The following PLCB1 variants were observed in gnomAD, a reference collection of about 807,000 sequenced individuals.
PLCB1 encodes the protein phospholipase C beta 1, also known as 1-phosphatidylinositol 4,5-bisphosphate phosphodiesterase beta-1.
In PLCB1, 46 loss-of-function variants were observed where a neutral mutation model predicts 161.8. That is an observed-to-expected ratio of 0.28 (90% CI 0.22 to 0.36). PLCB1 has a LOEUF of 0.36. Among genes scored for constraint, PLCB1 ranks in the 10% least tolerant of loss-of-function variants. PLCB1 has a pLI of 1.00. For synonymous variants in PLCB1, 517 were observed against 503.7 expected (o/e 1.03, Z -0.35); for missense variants, 1,016 against 1,472.5 (o/e 0.69, Z 5.07).
intron 3 of PLCB1, among the ~76,000 whole-genome samples, chr20:8,432,674 T>G (rs1980103290): frequency 6.6e-6 from 1 of 152,220 alleles, no homozygotes; most frequent in Non-Finnish European, 1.5e-5. Flanking sequence ...TTTTTTTCTT[T>G]TCTAAGAAAT....
At chr20:8,415,797 G>A (rs1481039959) in intron 3 of PLCB1, among the ~76,000 whole-genome samples, 1 of 152,092 alleles carries the variant, frequency 6.6e-6, no homozygotes, top group African/African-American at 2.4e-5. Flanking sequence ...CCTTCATGTG[G>A]GGCAGAAAAA....
At chr20:8,563,314 A>C (rs1234939640) in intron 3 of PLCB1, among the ~76,000 whole-genome samples, 2 of 152,016 alleles carry the variant, frequency 1.3e-5, no homozygotes, top group Non-Finnish European at 2.9e-5. Flanking sequence ...AAAAAGTCTC[A>C]GCTGAAAAAA....
At chr20:8,383,523 C>A (rs1388590750) in intron 3 of PLCB1, among the ~76,000 whole-genome samples, 1 of 152,128 alleles carries the variant, frequency 6.6e-6, no homozygotes, top group Non-Finnish European at 1.5e-5. Context: ...TAACATTTAT[C>A]CCATTTATAT....
rs2146220422 is a variant in PLCB1, at chr20:8,788,625, G to A, written c.3189-8G>A. The A allele has an allele frequency of 3.7e-6, 6 of 1,601,980 alleles. No individual in the cohort carries two copies. In the African/African-American group the frequency reaches 4.0e-5, roughly 11 times the overall value. On this transcript the variant is annotated splice_polypyrimidine_tract_variant and splice_region_variant and intron_variant, in intron 28 of 31. Transcript: ENST00000338037. ...CTTTTTTCTCTTTTACTTCCATTGT[G>A]ACTTCAGAGAAAAGAAAGAATTAAA...
chr20:8,446,358 A>G (rs227136), intron 3 of PLCB1, among the ~76,000 whole-genome samples: 99,245 of 151,912 alleles, frequency 0.65, 32,643 homozygotes, highest in East Asian at 0.71. Context: ...CAATTCAACA[A>G]CCCTTTGTTT....
intron 2 of PLCB1, among the ~76,000 whole-genome samples, chr20:8,368,525 T>A: frequency 1.1e-5 from 1 of 89,286 alleles, no homozygotes; most frequent in Admixed American, 1.4e-4. Context: ...AGACTCTGTC[T>A]CTCAAAAAAA....
chr20:8,704,180 C>T (rs1267969778), intron 11 of PLCB1, among the ~76,000 whole-genome samples: 1 of 151,938 alleles, frequency 6.6e-6, no homozygotes, highest in Non-Finnish European at 1.5e-5. Context: ...ATGGCAAAAC[C>T]CCATCTCTAC....
At chr20:8,637,500 A>G (rs557188110) in intron 4 of PLCB1, among the ~76,000 whole-genome samples, 8 of 152,342 alleles carry the variant, frequency 5.3e-5, no homozygotes, top group African/African-American at 1.9e-4. Context: ...AGGAAACTGG[A>G]AGATGACAGA....
intron 2 of PLCB1, among the ~76,000 whole-genome samples, chr20:8,250,031 C>A (rs1017600727): frequency 1.1e-4 from 16 of 151,900 alleles, no homozygotes; most frequent in African/African-American, 3.6e-4. Context: ...ACAGGCAGGC[C>A]AACTCACTTC....
At chr20:8,705,730 A>G (rs879601310) in intron 11 of PLCB1, among the ~76,000 whole-genome samples, 3 of 152,226 alleles carry the variant, frequency 2.0e-5, no homozygotes, top group Non-Finnish European at 2.9e-5. Context: ...TGCTTGATGT[A>G]TTCAAGGAAA....
At chr20:8,710,742 G>A (rs960815230) in intron 12 of PLCB1, among the ~76,000 whole-genome samples, 2 of 151,906 alleles carry the variant, frequency 1.3e-5, no homozygotes, top group Non-Finnish European at 2.9e-5. Flanking sequence ...TCGAACTCCC[G>A]ACCTCAGGTG....
intron 10 of PLCB1, among the ~76,000 whole-genome samples, chr20:8,692,872 C>G (rs1990511170): frequency 6.6e-6 from 1 of 152,122 alleles, no homozygotes; most frequent in East Asian, 1.9e-4. Context: ...GGTAGGCATT[C>G]TTTATGCCAT....
At chr20:8,690,162 T>TA (rs1279731011) in intron 10 of PLCB1, among the ~76,000 whole-genome samples, 1 of 149,618 alleles carries the variant, frequency 6.7e-6, no homozygotes, top group African/African-American at 2.4e-5. Context: ...TTTTTTTTTT[T>TA]ATCTTGCTCC....
rs73591768 is a variant in PLCB1 at position 8,398,041 on chromosome 20, C to T, written c.246+26591C>T. 4.2e-3 allele frequency among the ~76,000 whole-genome samples: 634 copies of T among 152,056 alleles called. 5 individuals are homozygous for T. Among genetic ancestry groups the T allele is most frequent in the African/African-American group, 0.014 (572 of 41,484 alleles). On this transcript the variant is annotated intron_variant, in intron 3 of 31. Transcript: ENST00000338037. ...GTTTAGATTTTACCATTTTCTACCC[C>T]CCTTGCAGTGTATTACAGAATCTTT... is the stretch of plus-strand genomic sequence containing the variant.
chr20:8,826,220 G>C (rs1359658891), intron 31 of PLCB1, among the ~76,000 whole-genome samples: 1 of 152,162 alleles, frequency 6.6e-6, no homozygotes, highest in Non-Finnish European at 1.5e-5. Context: ...GCCTCACCAG[G>C]CGCAGCAGCT....
At chr20:8,868,778 C>T (rs1421737410) in intron 31 of PLCB1, among the ~76,000 whole-genome samples, 1 of 152,110 alleles carries the variant, frequency 6.6e-6, no homozygotes, top group Non-Finnish European at 1.5e-5. Flanking sequence ...GCTACAGGCA[C>T]CAGCCACCAC....
chr20:8,179,569 A>G (rs114118490), intron 2 of PLCB1, among the ~76,000 whole-genome samples: 6,733 of 152,238 alleles, frequency 0.044, 195 homozygotes, highest in Middle Eastern at 0.12. Flanking sequence ...TACTAGGTAT[A>G]AAATCATATC....
At chr20:8,541,104 T>C (rs1394465367) in intron 3 of PLCB1, among the ~76,000 whole-genome samples, 5 of 152,144 alleles carry the variant, frequency 3.3e-5, no homozygotes, top group Admixed American at 6.6e-5. Flanking sequence ...GTGGGGATCT[T>C]ACCTATGTTA....
intron 2 of PLCB1, among the ~76,000 whole-genome samples, chr20:8,162,151 A>G (rs2051631416): frequency 6.6e-6 from 1 of 152,128 alleles, no homozygotes; most frequent in Admixed American, 6.5e-5. Context: ...CATTCCCTGA[A>G]TGTTACAGGT....
Sources: allele counts gnomAD v4.1 joint callset (sites outside exome capture counted in the v4.1 genomes callset), GRCh38; gene constraint gnomAD v4.1.1; transcripts MANE v1.5; gene names NCBI Gene and HGNC (gene_info 2026-07-23, HGNC 2026-07-21).